Variants in RB1 observed in about 807,000 individuals in gnomAD.
RB1 encodes retinoblastoma-associated protein.
In RB1, 18 loss-of-function variants were observed where a neutral mutation model predicts 135.4. The ratio of observed to expected loss-of-function variants is 0.13; its 90% CI spans 0.09 to 0.20. The LOEUF (loss-of-function observed/expected upper bound fraction) is 0.20. Among genes scored for constraint, RB1 ranks in the 10% least tolerant of loss-of-function variants. The pLI, the probability that RB1 is intolerant of heterozygous loss-of-function variation, is 1.00. For missense variants in RB1, 868 were observed against 1,110.0 expected, an observed-to-expected ratio of 0.78 and a Z score of 3.10; for synonymous variants, 365 against 373.2, an observed-to-expected ratio of 0.98 and a Z score of 0.25.
chr13:48,391,597 T>C (rs762713022), intron 17 of RB1: 1 of 152,068 alleles, frequency 6.6e-6, no homozygotes, highest in South Asian at 2.1e-4. Flanking sequence ...TCTATTCTTA[T>C]AAAACAAACA....
At chr13:48,448,723 T>G (rs1293226742) in intron 17 of RB1, among the ~76,000 whole-genome samples, 2 of 152,164 alleles carry the variant, frequency 1.3e-5, no homozygotes, top group Non-Finnish European at 2.9e-5. Flanking sequence ...TCCAAGAAAT[T>G]CAAATAAAAT....
At chr13:48,478,198 T>C (rs1229906811) in intron 26 of RB1, among the ~76,000 whole-genome samples, 1 of 152,210 alleles carries the variant, frequency 6.6e-6, no homozygotes, top group African/African-American at 2.4e-5. Context: ...CAGGACACAC[T>C]AATGAGAACA....
intron 2 of RB1, among the ~76,000 whole-genome samples, chr13:48,325,433 C>T (rs1952279160): frequency 6.6e-6 from 1 of 152,006 alleles, no homozygotes; most frequent in Non-Finnish European, 1.5e-5. Context: ...TGAAGTCTTA[C>T]TTATCTACAC....
intron 7 of RB1, 109 bp downstream of exon 7, chr13:48,360,236 A>G (rs1356853568): frequency 1.9e-6 from 3 of 1,546,800 alleles, no homozygotes; most frequent in Non-Finnish European, 1.7e-6. Context: ...TAAAAAATAA[A>G]TCAGACATGG....
At chr13:48,354,340 C>G (rs925519184) in intron 6 of RB1, among the ~76,000 whole-genome samples, 6 of 151,846 alleles carry the variant, frequency 4.0e-5, no homozygotes, top group African/African-American at 7.3e-5. Context: ...TTACAATAGC[C>G]ACACATAAAA....
intron 18 of RB1, among the ~76,000 whole-genome samples, chr13:48,453,462 A>G (rs918169789): frequency 1.3e-5 from 2 of 152,344 alleles, no homozygotes; most frequent in African/African-American, 4.8e-5. Flanking sequence ...AAGGAAGCAG[A>G]AAACATTTTT....
intron 17 of RB1, among the ~76,000 whole-genome samples, chr13:48,399,450 T>G (rs1435228549): frequency 6.6e-6 from 1 of 152,022 alleles, no homozygotes; most frequent in Non-Finnish European, 1.5e-5. Context: ...AGATAGTAAT[T>G]TAACTCATAT....
In RB1 at chr13:48,456,324, C is replaced by G. The variant is rs1949360015; in HGVS notation, c.1935C>G (p.Thr645=). 6.2e-7 allele frequency: 1 copy of G among 1,614,178 alleles called. No homozygotes were observed. Among genetic ancestry groups the G allele is most frequent in the Non-Finnish European group, 8.5e-7 (1 of 1,180,024 alleles). The part of the protein sequence containing the change: ...AFQTQKPLKS[T]SLSLFYKKVY... ...AGACCCAGAAGCCATTGAAATCTAC[C>G]TCTCTTTCACTGTTTTATAAAAAAG... The change falls in exon 19 of 27, where the codon ACC becomes ACG. Residue 645 remains threonine, a synonymous_variant. Transcript: ENST00000267163.
At chr13:48,342,985 T>C (rs566110355) in intron 3 of RB1, among the ~76,000 whole-genome samples, 1 of 152,138 alleles carries the variant, frequency 6.6e-6, no homozygotes, top group Non-Finnish European at 1.5e-5. Flanking sequence ...ATTGTGGCTG[T>C]TAATAAAGTG....
At chr13:48,472,014 A>C (rs1022618218) in intron 23 of RB1, among the ~76,000 whole-genome samples, 2 of 152,206 alleles carry the variant, frequency 1.3e-5, no homozygotes, top group African/African-American at 4.8e-5. Flanking sequence ...TGCAACTACA[A>C]ATCATTATAT....
intron 6 of RB1, among the ~76,000 whole-genome samples, chr13:48,355,021 A>G (rs998596834): frequency 2.0e-5 from 3 of 152,098 alleles, no homozygotes; most frequent in African/African-American, 7.2e-5. Context: ...AAATTTCTTG[A>G]GCAATACCTC....
rs981161926 is a variant in RB1, at chr13:48,313,677, A to G, written c.264+6271A>G. Among the ~76,000 whole-genome samples the G allele has an allele frequency of 2.7e-5, 4 of 150,796 alleles. No homozygotes were observed. The South Asian group carries it at 8.3e-4, about 31-fold the overall frequency. ...TGTTTTGGTGCCCTTGATGAAAATC[A>G]GTTGACTATAAAAACCAGGGTTTAT... On this transcript the variant is annotated intron_variant, in intron 2 of 26. Transcript: ENST00000267163.
At chr13:48,305,878 A>G (rs981839519) in intron 1 of RB1, among the ~76,000 whole-genome samples, 1 of 152,212 alleles carries the variant, frequency 6.6e-6, no homozygotes, top group Non-Finnish European at 1.5e-5. Flanking sequence ...TTTAGATCTT[A>G]TTTCTGTTGC....
chr13:48,433,891 A>G (rs1404687805), intron 17 of RB1, among the ~76,000 whole-genome samples: 3 of 151,738 alleles, frequency 2.0e-5, no homozygotes, highest in Non-Finnish European at 4.4e-5. Context: ...ATATGTATAT[A>G]CATATATACT....
chr13:48,465,948 G>A (rs1223491261), intron 23 of RB1, among the ~76,000 whole-genome samples: 1 of 148,012 alleles, frequency 6.8e-6, no homozygotes, highest in Admixed American at 6.7e-5. Context: ...AGCAGTCTGT[G>A]ATCAAACTGC....
intron 17 of RB1, among the ~76,000 whole-genome samples, chr13:48,430,637 G>T (rs1949119857): frequency 6.6e-6 from 1 of 152,180 alleles, no homozygotes; most frequent in South Asian, 2.1e-4. Flanking sequence ...ATACTCGGAA[G>T]GCTGAGGCAG....
chr13:48,446,819 GGGCCAGAAC>G (rs1044208763), intron 17 of RB1, among the ~76,000 whole-genome samples: 134 of 152,284 alleles, frequency 8.8e-4, no homozygotes, highest in African/African-American at 3.2e-3. Flanking sequence ...AGGTATCAAG[GGGCCAGAAC>G]TCATGTAGTG....
At chr13:48,425,589 G>A (rs532340183) in intron 17 of RB1, among the ~76,000 whole-genome samples, 20 of 152,092 alleles carry the variant, frequency 1.3e-4, no homozygotes, top group Non-Finnish European at 2.5e-4. Flanking sequence ...ATTAATGTGC[G>A]TCTCCTGAGC....
At position 48,303,864 on chromosome 13, in the gene RB1, TC is replaced by T; in HGVS notation, c.-45del. 6.7e-7 allele frequency: 1 copy of T among 1,500,072 alleles called. No homozygotes were observed. The highest frequency in any genetic ancestry group is 8.8e-7 in the Non-Finnish European group (1 of 1,131,810). 92.9% of individuals were successfully genotyped at this position (1,500,072 alleles called of 1,614,324 possible). Reference sequence around the variant, plus strand: ...GCCCCGACGTGCGCGCGCGTCGTCCTCCCCGGCGCTCCTCCACAGCTCGCTG... The same window carrying T: ...GCCCCGACGTGCGCGCGCGTCGTCCTCCCGGCGCTCCTCCACAGCTCGCTG... On this transcript the variant is annotated 5_prime_UTR_variant, in exon 1 of 27. Transcript: ENST00000267163.
Sources: gnomAD v4.1 joint callset for allele counts (sites outside exome capture counted in the v4.1 genomes callset) on GRCh38, gnomAD v4.1.1 for gene constraint, MANE v1.5 for transcripts, NCBI Gene and HGNC (gene_info 2026-07-23, HGNC 2026-07-21) for gene names.